Variants in GPHN observed in about 807,000 individuals in gnomAD.
GPHN encodes the protein gephyrin.
A neutral mutation model predicts 95.5 loss-of-function variants in GPHN; 17 were observed. The ratio of observed to expected loss-of-function variants is 0.18; its 90% CI spans 0.12 to 0.27. The LOEUF (loss-of-function observed/expected upper bound fraction) is 0.27, where lower values mean the gene tolerates loss of function less well. Among genes scored for constraint, GPHN ranks in the 10% least tolerant of loss-of-function variants. The probability of loss-of-function intolerance (pLI) is 1.00; values close to 1 mark genes in which losing one functional copy is unlikely to be tolerated. For missense variants in GPHN, 660 were observed against 978.1 expected (o/e 0.67, Z 4.34); for synonymous variants, 320 against 322.5 (o/e 0.99, Z 0.08).
At chr14:67,344,324 A>G in the GPHN span, among the ~76,000 whole-genome samples, 2 of 152,188 alleles carry the variant, frequency 1.3e-5, no homozygotes, top group Non-Finnish European at 2.9e-5. Context: ...TCCCGGGTCA[A>G]TCCTCACATT....
At chr14:66,603,271 C>G (rs1435203336) in intron 1 of GPHN, among the ~76,000 whole-genome samples, 2 of 151,874 alleles carry the variant, frequency 1.3e-5, no homozygotes, top group African/African-American at 2.4e-5. Flanking sequence ...TGTAATCCCT[C>G]TATCCAGAAA....
chr14:67,198,830 ATTC>A, the GPHN span: 1 of 559,122 alleles, frequency 1.8e-6, no homozygotes, highest in South Asian at 1.8e-5. Flanking sequence ...TTCTCTAAAC[ATTC>A]AACATTAAAA....
At position 66,584,232 on chromosome 14, in the gene GPHN, G is replaced by T. The variant is rs1362895150; in HGVS notation, c.64+75641G>T. ...GAATGCTTGTGATTTTTTGCACATT[G>T]AGTTTGTATCCTGAGACTTTGCTGA... On this transcript the variant is annotated intron_variant, in intron 1 of 22. Coordinates refer to ENST00000478722, the MANE Select transcript of GPHN (RefSeq NM_020806.5). Among the ~76,000 whole-genome samples the T allele has an allele frequency of 2.0e-5, 3 of 152,106 alleles. 1 individual carries two copies. The highest frequency in any genetic ancestry group is 2.9e-5 in the Non-Finnish European group (2 of 68,020).
chr14:66,806,990 A>G (rs143814735), intron 3 of GPHN, among the ~76,000 whole-genome samples: 66 of 152,292 alleles, frequency 4.3e-4, no homozygotes, highest in African/African-American at 1.4e-3. Flanking sequence ...CACACTATTG[A>G]TAAAGACATA....
At chr14:67,356,709 G>A in the GPHN span, among the ~76,000 whole-genome samples, 2 of 152,146 alleles carry the variant, frequency 1.3e-5, no homozygotes, top group African/African-American at 4.8e-5. Flanking sequence ...TACGTTCACT[G>A]TACCCCAAAC....
chr14:67,206,874 G>A, the GPHN span, among the ~76,000 whole-genome samples: 17 of 151,924 alleles, frequency 1.1e-4, no homozygotes, highest in Admixed American at 8.5e-4. Context: ...GGGATTACAG[G>A]TGCCCACCAC....
the GPHN span, among the ~76,000 whole-genome samples, chr14:67,721,687 G>A: frequency 2.0e-5 from 3 of 151,772 alleles, no homozygotes; most frequent in Admixed American, 6.6e-5. Context: ...TTTAGCATAT[G>A]CCAGTTTCGT....
chr14:67,192,837 T>G, the GPHN span, among the ~76,000 whole-genome samples: 1 of 146,228 alleles, frequency 6.8e-6, no homozygotes, highest in African/African-American at 2.5e-5. Flanking sequence ...GATCTATATA[T>G]ATATCTATAT....
chr14:67,718,032 G>A, the GPHN span: 1 of 152,136 alleles, frequency 6.6e-6, no homozygotes, highest in African/African-American at 2.4e-5. Flanking sequence ...GTTTATTTTA[G>A]CTTTTAAAAT....
chr14:66,551,824 G>A lies in GPHN; in HGVS notation c.64+43233G>A, dbSNP rs112985228. Among the ~76,000 whole-genome samples the A allele has an allele frequency of 1.1e-4, 16 of 152,232 alleles. 2 individuals are homozygous for A. Among genetic ancestry groups the A allele is most frequent in the African/African-American group, 2.9e-4 (12 of 41,532 alleles). On this transcript the variant is annotated intron_variant, in intron 1 of 22. Transcript: ENST00000478722. ...ACACAGTTTTAAACAACCAGATCTC[G>A]TGAGAACTCACTAAGTATCACTAGA... is the stretch of plus-strand genomic sequence containing the variant.
intron 9 of GPHN, chr14:66,969,274 G>A (rs573231311): frequency 4.6e-5 from 7 of 152,178 alleles, no homozygotes; most frequent in Non-Finnish European, 1.0e-4. Context: ...TGGGATATTT[G>A]ACTTTCATTG....
At chr14:66,681,227 T>C in intron 2 of GPHN, 42 bp downstream of exon 2, 1 of 1,133,184 alleles carries the variant, frequency 8.8e-7, no homozygotes, top group African/African-American at 1.5e-5. Context: ...ATTAAAACTT[T>C]ATTATTAGTG....
chr14:67,424,177 T>C, the GPHN span, among the ~76,000 whole-genome samples: 1 of 151,520 alleles, frequency 6.6e-6, no homozygotes, highest in Non-Finnish European at 1.5e-5. Context: ...GAGACGGAGT[T>C]TGTGGTGAGC....
intron 10 of GPHN, among the ~76,000 whole-genome samples, chr14:67,055,953 G>A (rs1047511928): frequency 2.0e-5 from 3 of 152,300 alleles, no homozygotes; most frequent in South Asian, 2.1e-4. Context: ...CTTCCAGTGG[G>A]TTCGTGGTCT....
chr14:66,913,856 G>A (rs145660851), intron 5 of GPHN, among the ~76,000 whole-genome samples: 2 of 152,004 alleles, frequency 1.3e-5, no homozygotes, highest in Non-Finnish European at 2.9e-5. Flanking sequence ...TTAAATTATT[G>A]AATGATATAA....
chr14:66,904,613 C>T (rs1231769556), intron 5 of GPHN, among the ~76,000 whole-genome samples: 1 of 152,154 alleles, frequency 6.6e-6, no homozygotes, highest in Non-Finnish European at 1.5e-5. Flanking sequence ...GGCTTCACCT[C>T]TCAATGCCCC....
the GPHN span, chr14:67,338,541 G>T: frequency 7.2e-7 from 1 of 1,393,530 alleles, no homozygotes; most frequent in Non-Finnish European, 9.5e-7. Flanking sequence ...AAAATAAATA[G>T]CCACACAAAT....
the GPHN span, among the ~76,000 whole-genome samples, chr14:67,319,827 C>T: frequency 1.3e-5 from 2 of 152,282 alleles, no homozygotes; most frequent in African/African-American, 4.8e-5. Flanking sequence ...CCATTGTATT[C>T]AGCGTATACA....
At chr14:67,442,098 G>T in the GPHN span, among the ~76,000 whole-genome samples, 9 of 151,978 alleles carry the variant, frequency 5.9e-5, no homozygotes. Context: ...ATCAAGTTTG[G>T]ATTCAATTTG....
Sources: allele counts gnomAD v4.1 joint callset (sites outside exome capture counted in the v4.1 genomes callset), GRCh38; gene constraint gnomAD v4.1.1; transcripts MANE v1.5; gene names NCBI Gene and HGNC (gene_info 2026-07-23, HGNC 2026-07-21).